Variants in SGK1 observed in about 807,000 individuals in gnomAD.
The protein encoded by SGK1 is serum/glucocorticoid regulated kinase 1.
Under a neutral mutation model 64.2 loss-of-function variants are expected in SGK1, and 26 were observed. That is an observed-to-expected ratio of 0.40 (90% confidence interval 0.30 to 0.56). SGK1 has a LOEUF of 0.56. SGK1 is among the 20% of genes least tolerant of loss of function. SGK1 has a pLI of 0.38. For missense variants in SGK1, 519 were observed against 645.6 expected, an observed-to-expected ratio of 0.80 and a Z score of 2.12; for synonymous variants, 265 against 239.7, an observed-to-expected ratio of 1.11 and a Z score of -0.98.
intron 3 of SGK1, among the ~76,000 whole-genome samples, chr6:134,188,403 C>G (rs1775455954): frequency 1.3e-5 from 2 of 152,140 alleles, no homozygotes; most frequent in African/African-American, 2.4e-5. Context: ...AAATGAACAA[C>G]CAGGTGCTCG....
intron 1 of SGK1, among the ~76,000 whole-genome samples, chr6:134,263,879 T>C (rs1231809340): frequency 1.3e-5 from 2 of 152,124 alleles, no homozygotes; most frequent in South Asian, 2.1e-4. Context: ...CTAGCCAACA[T>C]AGCAAAACCC....
At chr6:134,236,002 C>A (rs1776359508) in intron 2 of SGK1, among the ~76,000 whole-genome samples, 1 of 152,030 alleles carries the variant, frequency 6.6e-6, no homozygotes, top group South Asian at 2.1e-4. Context: ...TTTAGGTCAG[C>A]CCTGATTTTG....
At chr6:134,225,361 A>AG (rs1186768836) in intron 2 of SGK1, among the ~76,000 whole-genome samples, 1 of 151,624 alleles carries the variant, frequency 6.6e-6, no homozygotes, top group East Asian at 1.9e-4. Context: ...GGAAAAAAAA[A>AG]AAAAAAAGAA....
intron 3 of SGK1, among the ~76,000 whole-genome samples, chr6:134,178,948 T>G (rs944672522): frequency 2.0e-5 from 3 of 152,132 alleles, no homozygotes; most frequent in Non-Finnish European, 4.4e-5. Context: ...GCATGTGCAT[T>G]TTAATGCTTC....
intron 3 of SGK1, among the ~76,000 whole-genome samples, chr6:134,195,672 T>TAAAA (rs1775584464): frequency 6.6e-6 from 1 of 152,250 alleles, no homozygotes; most frequent in African/African-American, 2.4e-5. Context: ...AAGTGCTTTT[T>TAAAA]GCTTTCTAGA....
intron 5 of SGK1, 195 bp from the exon 6 acceptor site, chr6:134,173,761 G>C (rs62621911): frequency 0.037 from 22,138 of 590,630 alleles, 544 homozygotes; most frequent in Non-Finnish European, 0.045. Context: ...GTTTCAGACA[G>C]ATAAAACCTT....
intron 3 of SGK1, among the ~76,000 whole-genome samples, chr6:134,184,118 T>A (rs1266859914): frequency 6.6e-6 from 1 of 152,054 alleles, no homozygotes; most frequent in Admixed American, 6.6e-5. Context: ...CCGAGGGACT[T>A]TGTCTTTGCT....
rs370810926 is a variant in SGK1 at position 134,317,335 on chromosome 6, C to G, written c.69+57G>C. 1,637 of 1,124,404 alleles carry G rather than the reference C, an allele frequency of 1.5e-3. 30 individuals are homozygous for G. In the South Asian group the frequency reaches 0.019, roughly 13 times the overall value. 69.7% of individuals were successfully genotyped at this position (1,124,404 alleles called of 1,614,324 possible). ...CTCAGGCTTACTTCAGGCAAACATTCAAAAGCATTTAAGAGAAGCACAGAA... is the reference window on the plus strand; with the variant it reads ...CTCAGGCTTACTTCAGGCAAACATTGAAAAGCATTTAAGAGAAGCACAGAA... On this transcript the variant is annotated intron_variant, in intron 1 of 13. Coordinates refer to ENST00000367858, the MANE Select transcript of SGK1 (RefSeq NM_001143676.3).
rs1200238681 is a variant in SGK1 at position 134,188,219 on chromosome 6, C to CT, written c.362-13634dup. ...TTCATGTGGACACAAATATCTTTACCTTTTTTTTTTTGCTCATTCAGAGAG... is the reference window on the plus strand; with the variant it reads ...TTCATGTGGACACAAATATCTTTACCTTTTTTTTTTTTGCTCATTCAGAGAG... On this transcript the variant is annotated intron_variant, in intron 3 of 13. Coordinates refer to ENST00000367858, the MANE Select transcript of SGK1 (RefSeq NM_001143676.3). Among the ~76,000 whole-genome samples, 281 of 147,136 alleles carry CT rather than the reference C, an allele frequency of 1.9e-3. 1 individual carries two copies. The highest frequency in any genetic ancestry group is 5.4e-3 in the African/African-American group (218 of 40,374).
intron 2 of SGK1, among the ~76,000 whole-genome samples, chr6:134,229,276 G>A (rs1171752675): frequency 6.6e-6 from 1 of 152,134 alleles, no homozygotes; most frequent in South Asian, 2.1e-4. Flanking sequence ...TTCCCTTCCC[G>A]TTAAACTTAA....
intron 3 of SGK1, among the ~76,000 whole-genome samples, chr6:134,196,647 C>A (rs1165396118): frequency 6.6e-6 from 1 of 152,174 alleles, no homozygotes; most frequent in Admixed American, 6.5e-5. Context: ...CTGGCCAACT[C>A]TGATGTGAGG....
intron 1 of SGK1, among the ~76,000 whole-genome samples, chr6:134,312,288 A>AG (rs1261144408): frequency 3.9e-5 from 6 of 152,206 alleles, no homozygotes; most frequent in Non-Finnish European, 8.8e-5. Context: ...CCCTCTGAGA[A>AG]GACATCGAAA....
intron 3 of SGK1, among the ~76,000 whole-genome samples, chr6:134,198,724 CTATTTTT>C (rs1775633222): frequency 3.0e-5 from 2 of 65,950 alleles, no homozygotes; most frequent in African/African-American, 1.0e-4. Flanking sequence ...TTCTCTTTTT[CTATTTTT>C]TTTTTTTTTT....
At chr6:134,233,392 A>G (rs1210301616) in intron 2 of SGK1, among the ~76,000 whole-genome samples, 1 of 152,220 alleles carries the variant, frequency 6.6e-6, no homozygotes, top group East Asian at 1.9e-4. Context: ...GGTAGTGTCA[A>G]AGTTCCCTTC....
intron 1 of SGK1, among the ~76,000 whole-genome samples, chr6:134,279,005 A>G (rs1048120518): frequency 7.2e-5 from 11 of 152,230 alleles, no homozygotes; most frequent in African/African-American, 2.7e-4. Context: ...TAAATAATCA[A>G]AATAATTTAA....
intron 1 of SGK1, among the ~76,000 whole-genome samples, chr6:134,271,194 C>G (rs1334076666): frequency 7.1e-6 from 1 of 140,138 alleles, no homozygotes; most frequent in Non-Finnish European, 1.6e-5. Flanking sequence ...GGGCACATGC[C>G]TGTAATTCCA....
chr6:134,174,864 T>G (rs889631630), intron 3 of SGK1: 11 of 1,609,990 alleles, frequency 6.8e-6, no homozygotes, highest in Middle Eastern at 2.0e-4. Flanking sequence ...CGGCGTATGC[T>G]GCGCCAGGCC....
At chr6:134,298,048 C>A in intron 1 of SGK1, 3 of 1,089,796 alleles carry the variant, frequency 2.8e-6, no homozygotes, top group Non-Finnish European at 4.2e-6. Flanking sequence ...ACAGCTGCCT[C>A]AGGAAGTTGA....
chr6:134,181,396 G>A (rs1045599578), intron 3 of SGK1, among the ~76,000 whole-genome samples: 7 of 151,982 alleles, frequency 4.6e-5, no homozygotes, highest in African/African-American at 1.7e-4. Context: ...CCAGACTGGA[G>A]TGCAGTGGCG....
Sources: allele counts gnomAD v4.1 joint callset (sites outside exome capture counted in the v4.1 genomes callset), GRCh38; gene constraint gnomAD v4.1.1; transcripts MANE v1.5; gene names NCBI Gene and HGNC (gene_info 2026-07-23, HGNC 2026-07-21).